Variants in ZNF592 observed in about 807,000 individuals in gnomAD.
The protein encoded by ZNF592 is zinc finger protein 592, also known as spinocerebellar ataxia, autosomal recessive 5.
In ZNF592, 11 loss-of-function variants were observed where a neutral mutation model predicts 80.3. The observed-to-expected ratio is 0.14, with a 90% CI of 0.09 to 0.23. The LOEUF is 0.23. Among genes scored for constraint, ZNF592 ranks in the 10% least tolerant of loss-of-function variants. The pLI is 1.00. For missense variants in ZNF592, 1,420 were observed against 1,633.9 expected (o/e 0.87, Z 2.26); for synonymous variants, 646 against 640.3 (o/e 1.01, Z -0.13).
intron 10 of ZNF592, 32 bp downstream of exon 10, chr15:84,800,009 G>T: frequency 1.2e-6 from 2 of 1,613,988 alleles, no homozygotes; most frequent in South Asian, 1.1e-5. Context: ...ATTGGAGCTG[G>T]CTGCTCAGTG....
intron 2 of ZNF592, among the ~76,000 whole-genome samples, chr15:84,771,158 A>C (rs180689625): frequency 6.6e-6 from 1 of 152,100 alleles, no homozygotes; most frequent in Non-Finnish European, 1.5e-5. Context: ...TGACCCCCAC[A>C]CAGGAGAGGC....
At chr15:84,785,312 CTTT>C (rs749939763) in intron 4 of ZNF592, among the ~76,000 whole-genome samples, 2 of 144,686 alleles carry the variant, frequency 1.4e-5, no homozygotes, top group African/African-American at 2.5e-5. Context: ...AGAACTTTGT[CTTT>C]TTTTTTTTTT....
chr15:84,797,840 C>T (rs753481462), intron 5 of ZNF592, 29 bp from the exon 6 acceptor site: 1 of 1,613,846 alleles, frequency 6.2e-7, no homozygotes, highest in African/African-American at 1.3e-5. Flanking sequence ...ATACTCCACC[C>T]ACACTCACAC....
Position 84,798,965 on chromosome 15 carries a change from G to A in ZNF592, c.3024+90G>A, listed in dbSNP as rs554303750. ...AACCCCTAGGGTTCCTGGTGCTTAG[G>A]GCAGGGTGGGTACCACAGATCTTGA... On this transcript the variant is annotated intron_variant, in intron 8 of 10. Transcript: ENST00000560079. This position sits in a 1 kb window ranked among gnomAD's most constrained non-coding sequence, Gnocchi z 4.5. 6.3e-6 allele frequency: 10 copies of A among 1,595,032 alleles called. No individual in the cohort carries two copies. The highest frequency in any genetic ancestry group is 8.6e-6 in the Non-Finnish European group (10 of 1,168,464).
chr15:84,756,512 A>G (rs1268100519), intron 1 of ZNF592, among the ~76,000 whole-genome samples: 1 of 152,188 alleles, frequency 6.6e-6, no homozygotes, highest in Admixed American at 6.5e-5. Flanking sequence ...CATTTGAGGC[A>G]GAGCTTTGGC....
intron 2 of ZNF592, among the ~76,000 whole-genome samples, chr15:84,777,183 A>T (rs1050581771): frequency 6.6e-6 from 1 of 151,180 alleles, no homozygotes; most frequent in Non-Finnish European, 1.5e-5. Context: ...TTTTACATTT[A>T]AAAAAAAGAG....
intron 10 of ZNF592, among the ~76,000 whole-genome samples, chr15:84,800,345 G>GT (rs953756463): frequency 2.6e-5 from 4 of 152,184 alleles, no homozygotes; most frequent in Admixed American, 2.0e-4. Flanking sequence ...GGATAATGAT[G>GT]TTTGGCCAAC....
chr15:84,762,693 T>C (rs1899386829), intron 1 of ZNF592, among the ~76,000 whole-genome samples: 2 of 152,160 alleles, frequency 1.3e-5, no homozygotes, highest in Admixed American at 1.3e-4. Flanking sequence ...AGACTTCAGC[T>C]GCTCTGATGG....
intron 2 of ZNF592, among the ~76,000 whole-genome samples, chr15:84,770,638 A>G (rs573307880): frequency 9.9e-5 from 15 of 152,198 alleles, no homozygotes; most frequent in Non-Finnish European, 1.8e-4. Flanking sequence ...TTCTCCATGT[A>G]TAAAAAATGA....
chr15:84,752,288 T>C (rs1022954796), intron 1 of ZNF592, among the ~76,000 whole-genome samples: 1 of 152,158 alleles, frequency 6.6e-6, no homozygotes, highest in Non-Finnish European at 1.5e-5. Flanking sequence ...GTGGGATACA[T>C]AGTGAGTTTC....
Position 84,802,483 on chromosome 15 carries a change from C to G in ZNF592, c.*90C>G. The G allele has an allele frequency of 6.8e-7, 1 of 1,474,750 alleles. No homozygotes were observed. Among genetic ancestry groups the G allele is most frequent in the Non-Finnish European group, 9.3e-7 (1 of 1,076,108 alleles). The allele number at this position is 1,474,750 out of a possible 1,614,324, so 91.4% of individuals were successfully genotyped here. A position where few individuals can be genotyped will look rare whatever the true frequency, so the allele number is the denominator to read the frequency against. ...CCGTGGAAAATAAAAGGCTCTGCCC[C>G]CAGTGTGAGTGTGACCGGTTGTACC... On this transcript the variant is annotated 3_prime_UTR_variant, in exon 11 of 11. Coordinates refer to ENST00000560079, the MANE Select transcript of ZNF592 (RefSeq NM_014630.3).
intron 1 of ZNF592, among the ~76,000 whole-genome samples, chr15:84,748,945 C>A (rs1026198831): frequency 1.3e-5 from 2 of 151,718 alleles, no homozygotes; most frequent in African/African-American, 4.8e-5. Context: ...AGGCCGGGCA[C>A]GCTGCTGTCC....
intron 2 of ZNF592, among the ~76,000 whole-genome samples, chr15:84,775,126 C>T (rs1187882708): frequency 5.3e-5 from 8 of 151,840 alleles, no homozygotes; most frequent in Middle Eastern, 3.4e-3. Flanking sequence ...GATAGGGTCT[C>T]GCTCTGTCAC....
chr15:84,797,725 G>T, intron 5 of ZNF592, 144 bp from the exon 6 acceptor site: 2 of 942,576 alleles, frequency 2.1e-6, no homozygotes, highest in East Asian at 5.0e-5. Context: ...TACTTGTCAA[G>T]GGTGGAAGTC....
chr15:84,791,018 A>G, intron 5 of ZNF592, 135 bp downstream of exon 5: 2 of 943,248 alleles, frequency 2.1e-6, no homozygotes, highest in Non-Finnish European at 1.7e-6. Context: ...ATTGGATGGT[A>G]TGTGGACAGA....
intron 3 of ZNF592, among the ~76,000 whole-genome samples, chr15:84,780,456 T>C (rs1341529315): frequency 1.3e-5 from 2 of 152,234 alleles, no homozygotes; most frequent in Non-Finnish European, 2.9e-5. Flanking sequence ...CCCTTGTTTA[T>C]GGGTTCCAAC....
chr15:84,805,928 A>G lies in ZNF592; in HGVS notation c.*3535A>G, dbSNP rs924497076. 1.3e-5 allele frequency: 2 copies of G among 152,628 alleles called. No individual in the cohort carries two copies. Among genetic ancestry groups the G allele is most frequent in the African/African-American group, 4.8e-5 (2 of 41,456 alleles). 9.5% of individuals were successfully genotyped at this position (152,628 alleles called of 1,614,324 possible). A position where few individuals can be genotyped will look rare whatever the true frequency, so the allele number is the denominator to read the frequency against. On this transcript the variant is annotated 3_prime_UTR_variant, in exon 11 of 11. Coordinates refer to ENST00000560079, the MANE Select transcript of ZNF592 (RefSeq NM_014630.3). ...TCTATGCATTTACAAGTTTATAAATATGTATATTTATATATCTATTTTTAA... is the reference window on the plus strand; with the variant it reads ...TCTATGCATTTACAAGTTTATAAATGTGTATATTTATATATCTATTTTTAA...
chr15:84,768,964 A>G (rs1252608552), intron 2 of ZNF592, among the ~76,000 whole-genome samples: 1 of 152,032 alleles, frequency 6.6e-6, no homozygotes, highest in African/African-American at 2.4e-5. Context: ...TTTTTGAGAC[A>G]TGGTGTCCAT....
intron 2 of ZNF592, among the ~76,000 whole-genome samples, chr15:84,774,121 T>C (rs898433408): frequency 6.6e-6 from 1 of 152,256 alleles, no homozygotes; most frequent in Non-Finnish European, 1.5e-5. Flanking sequence ...CACATTTGCC[T>C]TCACTGATGG....
Sources: allele counts gnomAD v4.1 joint callset (sites outside exome capture counted in the v4.1 genomes callset), GRCh38; gene constraint gnomAD v4.1.1; non-coding constraint Gnocchi (gnomAD v3.1); transcripts MANE v1.5; gene names NCBI Gene and HGNC (gene_info 2026-07-23, HGNC 2026-07-21).